Variants in GPR161 observed in about 807,000 individuals in gnomAD.
GPR161 encodes the protein G protein-coupled receptor 161.
In GPR161, 25 loss-of-function variants were observed where a neutral mutation model predicts 39.2. That is an observed-to-expected ratio of 0.64 (90% CI 0.47 to 0.89). The LOEUF is 0.89. Among genes scored for constraint, GPR161 ranks in the 40% least tolerant of loss-of-function variants. GPR161 has a pLI of 0.00. For missense variants in GPR161, 547 were observed against 677.8 expected, an observed-to-expected ratio of 0.81 and a Z score of 2.14; for synonymous variants, 286 against 276.6, an observed-to-expected ratio of 1.03 and a Z score of -0.34.
intron 1 of GPR161, among the ~76,000 whole-genome samples, chr1:168,106,077 G>A (rs551662844): frequency 6.6e-6 from 1 of 151,540 alleles, no homozygotes; most frequent in African/African-American, 2.4e-5. Flanking sequence ...CAGAGAGAAA[G>A]CTTCCCTCAT....
At chr1:168,090,830 C>G (rs757947505) in intron 3 of GPR161, among the ~76,000 whole-genome samples, 162 bp from the exon 4 acceptor site, 1 of 152,248 alleles carries the variant, frequency 6.6e-6, no homozygotes, top group Non-Finnish European at 1.5e-5. Context: ...CCTCCTGGCT[C>G]GCCCCTCTTT....
chr1:168,126,400 T>C (rs1698593048), intron 1 of GPR161, among the ~76,000 whole-genome samples: 1 of 152,234 alleles, frequency 6.6e-6, no homozygotes, highest in Non-Finnish European at 1.5e-5. Flanking sequence ...GGTTTGCCTT[T>C]TATATTTTAG....
rs1341678283 is a variant in GPR161, at chr1:168,085,533, AT to A, written c.1587del (p.Arg529SerfsTer55). ...AGCCCCACGGCACCCTGAGGCCCTCATCTCTGCTCGGCAGCTAAAACATCTC... is the reference window on the plus strand; with the variant it reads ...AGCCCCACGGCACCCTGAGGCCCTCACTCTGCTCGGCAGCTAAAACATCTC... Reference protein sequence around the residue: ...EEGDVLAAEQR With the variant: ...EEGDVLAAEQX On this transcript the variant is annotated frameshift_variant, in exon 6 of 6. Transcript: ENST00000682931. LOFTEE classifies it high-confidence loss of function. 6.2e-7 allele frequency: 1 copy of A among 1,608,616 alleles called. No homozygotes were observed. Among genetic ancestry groups the A allele is most frequent in the South Asian group, 1.1e-5 (1 of 90,888 alleles).
intron 1 of GPR161, among the ~76,000 whole-genome samples, chr1:168,132,744 T>C (rs1160863559): frequency 6.6e-6 from 1 of 152,114 alleles, no homozygotes; most frequent in East Asian, 1.9e-4. Flanking sequence ...GTTGTTGTTG[T>C]TTGTTGGTTG....
At chr1:168,134,816 C>G (rs1010838746) in intron 1 of GPR161, 1 of 1,178,132 alleles carries the variant, frequency 8.5e-7, no homozygotes. Context: ...GCACACAGCT[C>G]CCACCCAGCC....
Position 168,097,068 on chromosome 1 carries a change from G to C in GPR161, c.539C>G (p.Ala180Gly), listed in dbSNP as rs1345753503. 6.2e-7 allele frequency: 1 copy of C among 1,614,070 alleles called. No individual in the cohort carries two copies. The highest frequency in any genetic ancestry group is 2.2e-5 in the East Asian group (1 of 44,862). ...EFDEFKWMCV[A>G]AWHREPGYTA... ...GTAGCCAGGCTCCCGGTGCCAAGCA[G>C]CCACACACATCCATTTGAACTCGTC... is the stretch of plus-strand genomic sequence containing the variant. The change falls in exon 3 of 6, where the codon GCT becomes GGT. Residue 180 changes from alanine to glycine, a missense_variant. Ala to Gly is a moderately conservative substitution (Grantham distance 60, BLOSUM62 0). Transcript: ENST00000682931.
intron 4 of GPR161, chr1:168,089,229 C>T (rs1029487091): frequency 2.0e-5 from 3 of 152,090 alleles, no homozygotes; most frequent in Admixed American, 6.6e-5. Context: ...GTTGCAGTGC[C>T]TCTGGATCCC....
chr1:168,087,997 G>A (rs1422506874), intron 4 of GPR161: 6 of 289,470 alleles, frequency 2.1e-5, no homozygotes, highest in East Asian at 7.9e-5. Flanking sequence ...GGCATCTGCC[G>A]GCCCAGCATG....
intron 2 of GPR161, 144 bp from the exon 3 acceptor site, chr1:168,097,376 A>G (rs1572274392): frequency 1.3e-6 from 1 of 763,336 alleles, no homozygotes; most frequent in Non-Finnish European, 2.1e-6. Flanking sequence ...CAAGTTATAT[A>G]GACTGCATCG....
chr1:168,102,321 C>T (rs1466583654), intron 2 of GPR161, among the ~76,000 whole-genome samples: 3 of 152,176 alleles, frequency 2.0e-5, no homozygotes, highest in Non-Finnish European at 4.4e-5. Flanking sequence ...CACTGCCAGC[C>T]CATCAGCAGC....
At chr1:168,115,806 T>C (rs976789344) in intron 1 of GPR161, among the ~76,000 whole-genome samples, 2 of 151,800 alleles carry the variant, frequency 1.3e-5, no homozygotes, top group East Asian at 1.9e-4. Flanking sequence ...GACGGAGTCT[T>C]GCACTGTCGC....
At chr1:168,124,495 C>T (rs1193632358) in intron 1 of GPR161, among the ~76,000 whole-genome samples, 1 of 152,110 alleles carries the variant, frequency 6.6e-6, no homozygotes, top group Non-Finnish European at 1.5e-5. Flanking sequence ...TGCCAAGATA[C>T]GTGGAATTTT....
chr1:168,104,185 T>C (rs573232700), intron 2 of GPR161, among the ~76,000 whole-genome samples: 24 of 152,352 alleles, frequency 1.6e-4, no homozygotes, highest in African/African-American at 5.8e-4. Context: ...AACTGAAACC[T>C]GCCTTGGCTT....
At chr1:168,119,259 T>TATATATACAC (rs1697943899) in intron 1 of GPR161, among the ~76,000 whole-genome samples, 6 of 99,758 alleles carry the variant, frequency 6.0e-5, no homozygotes, top group African/African-American at 2.3e-4. Context: ...TATATATACG[T>TATATATACAC]ATATATATGT....
In GPR161 at chr1:168,109,180, C is replaced by T. The variant is rs370686909; in HGVS notation, c.-44-4286G>A. Among the ~76,000 whole-genome samples, 8 of 152,156 alleles carry T rather than the reference C, an allele frequency of 5.3e-5. 1 individual carries two copies. The South Asian group carries it at 6.2e-4, about 12-fold the overall frequency. ...ATGACTTTATCCAAGCAAAGGATAG[C>T]GTTGTTCACTTACTATGGGAGTCTC... On this transcript the variant is annotated intron_variant, in intron 1 of 5. Transcript: ENST00000682931.
At position 168,081,710 on chromosome 1, in the gene GPR161, C is replaced by T. The variant is rs998034079; in HGVS notation, c.*3821G>A. ...TTAACCATACCCACGTCTTCACCAT[C>T]CTCACTATATCACACTTGCACTGGG... On this transcript the variant is annotated 3_prime_UTR_variant, in exon 6 of 6. Transcript: ENST00000682931. 2.6e-5 allele frequency: 4 copies of T among 152,274 alleles called. No homozygotes were observed. The highest frequency in any genetic ancestry group is 9.6e-5 in the African/African-American group (4 of 41,466). 9.4% of individuals were successfully genotyped at this position (152,274 alleles called of 1,614,324 possible).
In GPR161 at chr1:168,080,866, C is replaced by CT. The variant is rs200889491; in HGVS notation, c.*4664dup. The CT allele has an allele frequency of 2.0e-3, 300 of 147,930 alleles. 2 individuals are homozygous for CT. The highest frequency in any genetic ancestry group is 7.4e-3 in the African/African-American group (277 of 37,444). 9.2% of individuals were successfully genotyped at this position (147,930 alleles called of 1,614,324 possible). A position where few individuals can be genotyped will look rare whatever the true frequency, so the allele number is the denominator to read the frequency against. On this transcript the variant is annotated 3_prime_UTR_variant, in exon 6 of 6. Coordinates refer to ENST00000682931, the MANE Select transcript of GPR161 (RefSeq NM_001375883.1). ...CAGTAGCATAGAGGATAGACTTTTT[C>CT]TTTTTTTTCTTTTTTTAGGCGGGGT...
Position 168,084,324 on chromosome 1 carries a change from T to C in GPR161, c.*1207A>G, listed in dbSNP as rs1694279260. On this transcript the variant is annotated 3_prime_UTR_variant, in exon 6 of 6. Transcript: ENST00000682931. Reference sequence around the variant, plus strand: ...AGGTCGGTCCGTGGGTCTGCTTTTGTGTTTTACCTATCTCTGCTTTACAAA... The same window carrying C: ...AGGTCGGTCCGTGGGTCTGCTTTTGCGTTTTACCTATCTCTGCTTTACAAA... 3.2e-5 allele frequency: 6 copies of C among 189,280 alleles called. No individual in the cohort carries two copies. In the South Asian group the frequency reaches 5.6e-4, roughly 18 times the overall value. The allele number at this position is 189,280 out of a possible 1,614,324, so 11.7% of individuals were successfully genotyped here. A position where few individuals can be genotyped will look rare whatever the true frequency, so the allele number is the denominator to read the frequency against.
intron 1 of GPR161, among the ~76,000 whole-genome samples, chr1:168,108,486 T>TAAAAAAAAAAAAAAAAAAAAAAA (rs10670498): frequency 1.7e-4 from 3 of 17,472 alleles, no homozygotes; most frequent in African/African-American, 5.6e-4. Flanking sequence ...GCCCTAGTTG[T>TAAAAAAAAAAAAAAAAAAAAAAA]AAAAAAAAAA....
Sources: gnomAD v4.1 joint callset for allele counts (sites outside exome capture counted in the v4.1 genomes callset) on GRCh38, gnomAD v4.1.1 for gene constraint, MANE v1.5 for transcripts, NCBI Gene and HGNC (gene_info 2026-07-23, HGNC 2026-07-21) for gene names.